ZRANB3: variants seen among roughly 807,000 people sequenced by gnomAD.
The protein encoded by ZRANB3 is DNA annealing helicase and endonuclease ZRANB3.
A neutral mutation model predicts 133.8 loss-of-function variants in ZRANB3; 125 were observed. That is an observed-to-expected ratio of 0.93 (90% CI 0.81 to 1.08). ZRANB3 has a LOEUF of 1.08. Among genes scored for constraint, ZRANB3 ranks in the 50% least tolerant of loss-of-function variants. The pLI, the probability that ZRANB3 is intolerant of heterozygous loss-of-function variation, is 0.00. For missense variants in ZRANB3, 1,229 were observed against 1,275.5 expected (o/e 0.96, Z 0.56); for synonymous variants, 387 against 432.7 (o/e 0.89, Z 1.31).
At chr2:135,316,794 T>C (rs1225877154) in intron 6 of ZRANB3, among the ~76,000 whole-genome samples, 1 of 151,794 alleles carries the variant, frequency 6.6e-6, no homozygotes, top group East Asian at 1.9e-4. Flanking sequence ...AGTGAGACCC[T>C]GTCTCTGCTA....
At chr2:135,316,042 C>T (rs923947234) in intron 6 of ZRANB3, among the ~76,000 whole-genome samples, 1 of 152,282 alleles carries the variant, frequency 6.6e-6, no homozygotes, top group Middle Eastern at 3.4e-3. Context: ...CTTTGAAATA[C>T]TTCTTCCTTT....
chr2:135,359,349 C>T lies in ZRANB3; in HGVS notation c.181-5721G>A, dbSNP rs533675548. On this transcript the variant is annotated intron_variant, in intron 3 of 20. Transcript: ENST00000264159. ...CTGTAATCCCAACATTTTGGGAGGC[C>T]GAGGCAGCAGGACTGCTTGAGGCCA... Among the ~76,000 whole-genome samples, 10 of 151,800 alleles carry T rather than the reference C, an allele frequency of 6.6e-5. 1 individual carries two copies. In the East Asian group the frequency reaches 7.8e-4, roughly 12 times the overall value.
chr2:135,482,295 G>T (rs1301957813), intron 2 of ZRANB3, among the ~76,000 whole-genome samples: 1 of 131,520 alleles, frequency 7.6e-6, no homozygotes, highest in Non-Finnish European at 1.5e-5. Context: ...ATTTCGTTGA[G>T]CAGTGGTTTG....
At chr2:135,493,146 TATATATATATATATATATATATATATAA>T (rs1692482532) in intron 2 of ZRANB3, among the ~76,000 whole-genome samples, 2 of 49,804 alleles carry the variant, frequency 4.0e-5, no homozygotes, top group African/African-American at 1.2e-4. Context: ...TATATATATA[TATATATATATATATATATATATATATAA>T]ATAGAAAAAG....
chr2:135,411,246 G>A (rs1688289000), intron 2 of ZRANB3, among the ~76,000 whole-genome samples: 1 of 151,866 alleles, frequency 6.6e-6, no homozygotes, highest in Admixed American at 6.6e-5. Context: ...TCAAAAAAAA[G>A]AAAACATATA....
At chr2:135,508,187 G>C (rs1020785173) in intron 1 of ZRANB3, among the ~76,000 whole-genome samples, 6 of 152,022 alleles carry the variant, frequency 3.9e-5, no homozygotes, top group Admixed American at 3.9e-4. Context: ...GCCCAGGCTG[G>C]AGTGCAGTGG....
At chr2:135,293,071 A>G (rs907502275) in intron 8 of ZRANB3, among the ~76,000 whole-genome samples, 1 of 151,926 alleles carries the variant, frequency 6.6e-6, no homozygotes, top group Non-Finnish European at 1.5e-5. Context: ...TTGACTTGGC[A>G]ATGTGGGTTC....
chr2:135,274,080 C>T lies in ZRANB3; in HGVS notation c.1086+1556G>A, dbSNP rs138145964. Among the ~76,000 whole-genome samples the T allele has an allele frequency of 4.0e-3, 605 of 152,126 alleles. 5 individuals are homozygous for T. The highest frequency in any genetic ancestry group is 0.014 in the African/African-American group (577 of 41,496). On this transcript the variant is annotated intron_variant, in intron 9 of 20. Coordinates refer to ENST00000264159, the MANE Select transcript of ZRANB3 (RefSeq NM_032143.4). ...TATATGATAACCAATGAGAAAGTACCTTTTAATGTATAGCACTTTATTATA... is the reference window on the plus strand; with the variant it reads ...TATATGATAACCAATGAGAAAGTACTTTTTAATGTATAGCACTTTATTATA...
At chr2:135,528,987 T>C (rs931894220) in intron 1 of ZRANB3, among the ~76,000 whole-genome samples, 6 of 152,308 alleles carry the variant, frequency 3.9e-5, no homozygotes, top group East Asian at 1.9e-4. Context: ...GACTTAGAGA[T>C]TGAAACAGTA....
chr2:135,388,515 T>A (rs746822923), intron 3 of ZRANB3, among the ~76,000 whole-genome samples: 1 of 152,184 alleles, frequency 6.6e-6, no homozygotes, highest in African/African-American at 2.4e-5. Flanking sequence ...TCATAAAGGA[T>A]GCTGTTTGTT....
intron 3 of ZRANB3, among the ~76,000 whole-genome samples, chr2:135,356,759 G>A (rs1380448859): frequency 6.6e-6 from 1 of 152,108 alleles, no homozygotes; most frequent in African/African-American, 2.4e-5. Flanking sequence ...TGTGGCTGGA[G>A]GGCAGTGGCG....
intron 2 of ZRANB3, among the ~76,000 whole-genome samples, chr2:135,426,251 C>T (rs936294238): frequency 2.2e-4 from 34 of 152,032 alleles, no homozygotes; most frequent in Non-Finnish European, 4.6e-4. Context: ...AATTCTACCA[C>T]ATGTATAAAG....
intron 12 of ZRANB3, among the ~76,000 whole-genome samples, chr2:135,247,218 C>T (rs914760796): frequency 1.3e-5 from 2 of 152,190 alleles, no homozygotes; most frequent in African/African-American, 4.8e-5. Context: ...ATGATTGGAA[C>T]TGGAACTAAA....
intron 15 of ZRANB3, among the ~76,000 whole-genome samples, chr2:135,219,695 C>T (rs1465942137): frequency 1.3e-5 from 2 of 151,988 alleles, no homozygotes; most frequent in African/African-American, 4.8e-5. Context: ...GTTACAGGAA[C>T]AAGGAAGTAA....
chr2:135,346,522 C>T (rs1465170305), intron 5 of ZRANB3, among the ~76,000 whole-genome samples: 1 of 152,044 alleles, frequency 6.6e-6, no homozygotes, highest in Non-Finnish European at 1.5e-5. Context: ...ATCTATCTAT[C>T]CATCCATCCA....
At chr2:135,219,379 C>G (rs114488911) in intron 15 of ZRANB3, among the ~76,000 whole-genome samples, 1 of 152,226 alleles carries the variant, frequency 6.6e-6, no homozygotes, top group Non-Finnish European at 1.5e-5. Context: ...GGCTCTCTAC[C>G]GCACTGGATG....
chr2:135,498,841 G>A (rs776041791), intron 2 of ZRANB3, among the ~76,000 whole-genome samples: 6 of 152,138 alleles, frequency 3.9e-5, no homozygotes, highest in African/African-American at 1.2e-4. Context: ...TTATCAGGAC[G>A]AGGAAATTCC....
intron 2 of ZRANB3, among the ~76,000 whole-genome samples, chr2:135,477,796 C>T (rs1195295107): frequency 6.6e-6 from 1 of 152,108 alleles, no homozygotes; most frequent in Non-Finnish European, 1.5e-5. Context: ...GAGTTGGAGA[C>T]CAGCCTGGGC....
chr2:135,206,269 T>TTGC (rs1355771039), intron 19 of ZRANB3, among the ~76,000 whole-genome samples: 1 of 151,884 alleles, frequency 6.6e-6, no homozygotes, highest in Non-Finnish European at 1.5e-5. Flanking sequence ...AGACAGAGTC[T>TTGC]TGCTCTGTTG....
Sources: allele counts gnomAD v4.1 joint callset (sites outside exome capture counted in the v4.1 genomes callset), GRCh38; gene constraint gnomAD v4.1.1; transcripts MANE v1.5; gene names NCBI Gene and HGNC (gene_info 2026-07-23, HGNC 2026-07-21).